The following CCNY variants were observed in gnomAD, a reference collection of about 807,000 sequenced individuals.
CCNY encodes the protein cyclin Y, also known as cyclin-Y.
Under a neutral mutation model 42.8 loss-of-function variants are expected in CCNY, and 19 were observed. The observed-to-expected ratio is 0.44, with a 90% CI of 0.31 to 0.65. The LOEUF is 0.65. Among genes scored for constraint, CCNY ranks in the 30% least tolerant of loss-of-function variants. The pLI is 0.07. For synonymous variants in CCNY, 165 were observed against 162.7 expected (o/e 1.01, Z -0.11); for missense variants, 370 against 437.3 (o/e 0.85, Z 1.37).
intron 1 of CCNY, among the ~76,000 whole-genome samples, chr10:35,392,285 G>A (rs1263968493): frequency 6.6e-6 from 1 of 152,208 alleles, no homozygotes; most frequent in Non-Finnish European, 1.5e-5. Flanking sequence ...TGGCAAAGGA[G>A]GAAAGAATGT....
intron 1 of CCNY, among the ~76,000 whole-genome samples, chr10:35,408,232 G>C (rs1003923089): frequency 6.6e-6 from 1 of 152,214 alleles, no homozygotes; most frequent in African/African-American, 2.4e-5. Context: ...CACGGAGTGA[G>C]GGTGAGGACA....
intron 1 of CCNY, among the ~76,000 whole-genome samples, chr10:35,479,014 A>T (rs529067285): frequency 5.9e-5 from 9 of 152,364 alleles, no homozygotes; most frequent in East Asian, 1.9e-4. Context: ...AATGCTCACC[A>T]TCACTGGCCA....
At chr10:35,563,592 G>A (rs980023515) in intron 8 of CCNY, among the ~76,000 whole-genome samples, 1 of 152,126 alleles carries the variant, frequency 6.6e-6, no homozygotes, top group African/African-American at 2.4e-5. Flanking sequence ...TTTTGTTGAA[G>A]TCTTACCTGG....
At chr10:35,560,389 ACATTGGTT>A (rs1841442981) in intron 8 of CCNY, among the ~76,000 whole-genome samples, 1 of 152,176 alleles carries the variant, frequency 6.6e-6, no homozygotes, top group South Asian at 2.1e-4. Flanking sequence ...AATTAAATTA[ACATTGGTT>A]CATTTGGGTG....
intron 1 of CCNY, among the ~76,000 whole-genome samples, chr10:35,425,034 T>A (rs1209643470): frequency 6.6e-6 from 1 of 152,188 alleles, no homozygotes; most frequent in Non-Finnish European, 1.5e-5. Context: ...TGCTGTGTGC[T>A]GTGTTCCCAG....
chr10:35,266,779 C>G (rs1289006972), intron 3 of CCNY, among the ~76,000 whole-genome samples: 1 of 152,066 alleles, frequency 6.6e-6, no homozygotes, highest in Non-Finnish European at 1.5e-5. Flanking sequence ...TTCTAGGGCT[C>G]TCCTTGAAAG....
At chr10:35,538,563 TAATGACGGTTG>T (rs1167913743) in intron 7 of CCNY, among the ~76,000 whole-genome samples, 76 of 152,344 alleles carry the variant, frequency 5.0e-4, no homozygotes, top group African/African-American at 1.8e-3. Context: ...CCCTGAGGAT[TAATGACGGTTG>T]AACATCTTTT....
intron 1 of CCNY, among the ~76,000 whole-genome samples, chr10:35,447,535 C>T (rs1014343503): frequency 3.3e-5 from 5 of 152,112 alleles, no homozygotes; most frequent in Non-Finnish European, 5.9e-5. Context: ...TTTACCTGCA[C>T]GTTTCCATTT....
At chr10:35,256,996 A>G (rs192443272) in intron 3 of CCNY, among the ~76,000 whole-genome samples, 1 of 152,300 alleles carries the variant, frequency 6.6e-6, no homozygotes, top group East Asian at 1.9e-4. Flanking sequence ...AGTCTATCAT[A>G]TAGAAAACAA....
chr10:35,443,965 G>A (rs1838731555), intron 1 of CCNY, among the ~76,000 whole-genome samples: 1 of 148,182 alleles, frequency 6.7e-6, no homozygotes, highest in African/African-American at 2.6e-5. Context: ...ACAGCCATAG[G>A]GTGGACGTGT....
intron 3 of CCNY, among the ~76,000 whole-genome samples, chr10:35,297,540 G>C (rs1439548060): frequency 6.6e-6 from 1 of 152,202 alleles, no homozygotes; most frequent in Non-Finnish European, 1.5e-5. Flanking sequence ...AATAGGAAGA[G>C]AGGAAGTCAA....
chr10:35,374,001 T>C (rs1319665557), intron 1 of CCNY, among the ~76,000 whole-genome samples: 1 of 152,252 alleles, frequency 6.6e-6, no homozygotes, highest in East Asian at 1.9e-4. Flanking sequence ...TTGTACAGTT[T>C]TTTGAAAATT....
intron 1 of CCNY, among the ~76,000 whole-genome samples, chr10:35,367,510 A>G (rs1388719053): frequency 3.3e-5 from 5 of 152,244 alleles, no homozygotes; most frequent in Non-Finnish European, 1.5e-5. Context: ...ATTTCTTGTG[A>G]GATAACATGG....
At chr10:35,369,054 C>T (rs1200524646) in intron 1 of CCNY, among the ~76,000 whole-genome samples, 7 of 152,206 alleles carry the variant, frequency 4.6e-5, no homozygotes, top group South Asian at 2.1e-4. Flanking sequence ...TGATTTACAT[C>T]GTGGAGATCT....
At chr10:35,310,063 G>A (rs1234181965) in intron 3 of CCNY, among the ~76,000 whole-genome samples, 4 of 152,134 alleles carry the variant, frequency 2.6e-5, no homozygotes, top group Non-Finnish European at 5.9e-5. Context: ...GCCTCCCAAA[G>A]TGCTGGGATT....
chr10:35,341,431 C>A (rs1278593455), intron 1 of CCNY, among the ~76,000 whole-genome samples: 1 of 152,202 alleles, frequency 6.6e-6, no homozygotes, highest in African/African-American at 2.4e-5. Context: ...TTCTTTATTC[C>A]TTAACACTTT....
chr10:35,542,502 G>A (rs1205641998), intron 7 of CCNY, among the ~76,000 whole-genome samples: 2 of 152,070 alleles, frequency 1.3e-5, no homozygotes, highest in African/African-American at 2.4e-5. Context: ...CAAACCACAC[G>A]TATGCAGGCA....
intron 3 of CCNY, among the ~76,000 whole-genome samples, chr10:35,270,960 C>T (rs1835160825): frequency 6.6e-6 from 1 of 151,800 alleles, no homozygotes; most frequent in Non-Finnish European, 1.5e-5. Flanking sequence ...CTCCTGACCT[C>T]GTGATCCGCC....
chr10:35,395,409 A>G (rs547943472), intron 1 of CCNY, among the ~76,000 whole-genome samples: 1 of 152,352 alleles, frequency 6.6e-6, no homozygotes, highest in Admixed American at 6.5e-5. Flanking sequence ...ACCAAGGAGC[A>G]GTGCGAAGGT....
Sources: gnomAD v4.1 joint callset for allele counts (sites outside exome capture counted in the v4.1 genomes callset) on GRCh38, gnomAD v4.1.1 for gene constraint, MANE v1.5 for transcripts, NCBI Gene and HGNC (gene_info 2026-07-23, HGNC 2026-07-21) for gene names.